Variants in FHIT observed in about 807,000 individuals in gnomAD.
The protein encoded by FHIT is bis(5'-adenosyl)-triphosphatase.
FHIT carries 19 observed loss-of-function variants against 17.9 expected under a neutral mutation model. That is an observed-to-expected ratio of 1.06 (90% CI 0.74 to 1.56). The LOEUF is 1.56. Among genes scored for constraint, FHIT ranks in the 40% most tolerant of loss-of-function variants. FHIT has a pLI of 0.00. For synonymous variants in FHIT, 81 were observed against 69.7 expected, an observed-to-expected ratio of 1.16 and a Z score of -0.81; for missense variants, 248 against 189.2, an observed-to-expected ratio of 1.31 and a Z score of -1.82.
chr3:60,461,254 C>CA (rs2032445130), intron 5 of FHIT, among the ~76,000 whole-genome samples: 2 of 151,950 alleles, frequency 1.3e-5, no homozygotes, highest in African/African-American at 2.4e-5. Flanking sequence ...GAAAAATTAC[C>CA]AAAAAAATCC....
At chr3:59,963,225 C>T (rs1378161389) in intron 7 of FHIT, among the ~76,000 whole-genome samples, 1 of 152,014 alleles carries the variant, frequency 6.6e-6, no homozygotes, top group East Asian at 1.9e-4. Flanking sequence ...CGAGATCACA[C>T]CACTGCACTC....
chr3:59,872,309 C>G (rs1051784832), intron 8 of FHIT, among the ~76,000 whole-genome samples: 2 of 152,092 alleles, frequency 1.3e-5, no homozygotes, highest in African/African-American at 4.8e-5. Flanking sequence ...AGAAACAACC[C>G]TAAAGCAGAA....
rs547624207 is a variant in FHIT, at chr3:60,354,287, T to A, written c.103+182573A>T. Among the ~76,000 whole-genome samples, 37 of 152,328 alleles carry A rather than the reference T, an allele frequency of 2.4e-4. No individual in the cohort carries two copies. The South Asian group carries it at 7.0e-3, about 29-fold the overall frequency. On this transcript the variant is annotated intron_variant, in intron 5 of 9. Transcript: ENST00000492590. ...TACCTGTGAAAGGCAGACTGATTAG[T>A]GACTTACTTTATTATTCCTATCCTT...
intron 3 of FHIT, among the ~76,000 whole-genome samples, chr3:60,845,319 A>G (rs1702887017): frequency 6.6e-6 from 1 of 151,984 alleles, no homozygotes; most frequent in Non-Finnish European, 1.5e-5. Flanking sequence ...GGAGTAAACT[A>G]AAAACAAACA....
intron 4 of FHIT, among the ~76,000 whole-genome samples, chr3:60,798,968 A>G (rs1227886631): frequency 6.6e-6 from 1 of 151,708 alleles, no homozygotes; most frequent in Non-Finnish European, 1.5e-5. Flanking sequence ...CAGCCTCCCA[A>G]AATGTTGGGA....
intron 2 of FHIT, among the ~76,000 whole-genome samples, chr3:61,043,623 A>G (rs920807842): frequency 6.6e-6 from 1 of 152,218 alleles, no homozygotes; most frequent in African/African-American, 2.4e-5. Context: ...AGCTTTGAAG[A>G]GAGCAGTGGT....
intron 4 of FHIT, among the ~76,000 whole-genome samples, chr3:60,705,818 A>G (rs1553703414): frequency 6.6e-6 from 1 of 152,150 alleles, no homozygotes. Context: ...GCTGTCCTCC[A>G]CACACCATCC....
chr3:59,889,086 G>T (rs919670503), intron 8 of FHIT, among the ~76,000 whole-genome samples: 1 of 152,146 alleles, frequency 6.6e-6, no homozygotes, highest in Non-Finnish European at 1.5e-5. Flanking sequence ...TGGGGATTAC[G>T]TTTCTAACAC....
intron 4 of FHIT, among the ~76,000 whole-genome samples, chr3:60,699,060 A>G (rs1159096151): frequency 6.6e-6 from 1 of 152,206 alleles, no homozygotes; most frequent in East Asian, 1.9e-4. Flanking sequence ...ATCATTATAC[A>G]AAAATTTTCA....
chr3:60,567,767 AC>A lies in FHIT; in HGVS notation c.-17-30789del, dbSNP rs570513152. ...ACTCAAACAAATCTACAAGAAAAAA[AC>A]AAACAGTCCCAGCAAAAAGTGGGTG... On this transcript the variant is annotated intron_variant, in intron 4 of 9. Coordinates refer to ENST00000492590, the MANE Select transcript of FHIT (RefSeq NM_002012.4). 5.7e-3 allele frequency among the ~76,000 whole-genome samples: 871 copies of A among 152,338 alleles called. 9 individuals are homozygous for A. Among genetic ancestry groups the A allele is most frequent in the African/African-American group, 0.02 (823 of 41,566 alleles).
intron 5 of FHIT, among the ~76,000 whole-genome samples, chr3:60,183,558 C>G (rs73097594): frequency 6.6e-6 from 1 of 152,154 alleles, no homozygotes; most frequent in Non-Finnish European, 1.5e-5. Context: ...ACAGACTTGA[C>G]CAGAGGTTCC....
intron 3 of FHIT, among the ~76,000 whole-genome samples, chr3:61,032,510 T>C (rs1425991539): frequency 6.6e-6 from 1 of 152,178 alleles, no homozygotes; most frequent in African/African-American, 2.4e-5. Flanking sequence ...CCCTAAGAAC[T>C]GAAGCATTCT....
chr3:60,651,006 T>C (rs2039977025), intron 4 of FHIT, among the ~76,000 whole-genome samples: 1 of 152,162 alleles, frequency 6.6e-6, no homozygotes, highest in Non-Finnish European at 1.5e-5. Flanking sequence ...TGTTTTGTTT[T>C]TTACCTAAAT....
intron 4 of FHIT, among the ~76,000 whole-genome samples, chr3:60,753,487 C>A (rs2042510192): frequency 6.6e-6 from 1 of 152,182 alleles, no homozygotes; most frequent in South Asian, 2.1e-4. Flanking sequence ...AATCTCACAT[C>A]CCCCAGGTAA....
rs140794030 is a variant in FHIT at position 60,741,182 on chromosome 3, G to A, written c.-18+80737C>T. Among the ~76,000 whole-genome samples the A allele has an allele frequency of 5.3e-5, 8 of 152,296 alleles. No homozygotes were observed. In the East Asian group the frequency reaches 1.5e-3, roughly 29 times the overall value. ...ACCTGTTTTTGCAAGAGCATTCTGG[G>A]GTGGGAGGAAAACCTTCTGATTTCT... On this transcript the variant is annotated intron_variant, in intron 4 of 9. Transcript: ENST00000492590.
At chr3:60,865,442 A>G (rs1704112614) in intron 3 of FHIT, among the ~76,000 whole-genome samples, 1 of 152,228 alleles carries the variant, frequency 6.6e-6, no homozygotes, top group South Asian at 2.1e-4. Flanking sequence ...TGAACTACTT[A>G]TTTAGATAAA....
chr3:61,217,889 A>G (rs962298000), intron 1 of FHIT, among the ~76,000 whole-genome samples: 12 of 152,246 alleles, frequency 7.9e-5, no homozygotes, highest in Non-Finnish European at 1.2e-4. Context: ...ATGTTTGAAA[A>G]TTACAATTTT....
intron 8 of FHIT, among the ~76,000 whole-genome samples, chr3:59,812,209 C>A (rs77524606): frequency 0.018 from 2,813 of 152,266 alleles, 83 homozygotes; most frequent in African/African-American, 0.059. Flanking sequence ...TCTGGCCCCA[C>A]AGGATACTAG....
intron 8 of FHIT, among the ~76,000 whole-genome samples, chr3:59,779,411 G>A (rs898123606): frequency 1.3e-5 from 2 of 152,228 alleles, no homozygotes; most frequent in African/African-American, 2.4e-5. Flanking sequence ...CTTTGTGGTG[G>A]TTGTCTGCCT....
Sources: gnomAD v4.1 joint callset for allele counts (sites outside exome capture counted in the v4.1 genomes callset) on GRCh38, gnomAD v4.1.1 for gene constraint, MANE v1.5 for transcripts, NCBI Gene and HGNC (gene_info 2026-07-23, HGNC 2026-07-21) for gene names.